The following MICU2 variants were observed in gnomAD, a reference collection of about 807,000 sequenced individuals.
The protein encoded by MICU2 is mitochondrial calcium uptake 2.
In MICU2, 64 loss-of-function variants were observed where a neutral mutation model predicts 60.4. The observed-to-expected ratio is 1.06, with a 90% CI of 0.87 to 1.31. MICU2 has a LOEUF of 1.31. Among genes scored for constraint, MICU2 ranks in the 50% most tolerant of loss-of-function variants. The pLI is 0.00. For missense variants in MICU2, 569 were observed against 531.0 expected, an observed-to-expected ratio of 1.07 and a Z score of -0.70; for synonymous variants, 201 against 175.0, an observed-to-expected ratio of 1.15 and a Z score of -1.17.
At chr13:21,586,744 T>G (rs1000778342) in intron 1 of MICU2, among the ~76,000 whole-genome samples, 4 of 152,184 alleles carry the variant, frequency 2.6e-5, no homozygotes, top group Non-Finnish European at 5.9e-5. Context: ...TCCTTATAGC[T>G]TAAGCTTATG....
At chr13:21,519,709 C>T (rs1187541188) in intron 6 of MICU2, among the ~76,000 whole-genome samples, 1 of 152,124 alleles carries the variant, frequency 6.6e-6, no homozygotes, top group Non-Finnish European at 1.5e-5. Flanking sequence ...TAGGGATGGC[C>T]ATTCAGTTGC....
At chr13:21,493,847 C>T (rs746838719) in intron 11 of MICU2, among the ~76,000 whole-genome samples, 2 of 150,996 alleles carry the variant, frequency 1.3e-5, no homozygotes, top group Admixed American at 6.6e-5. Flanking sequence ...AATTCATGGA[C>T]GTGTTTTGTT....
intron 2 of MICU2, among the ~76,000 whole-genome samples, chr13:21,546,260 C>G (rs772575505): frequency 1.4e-4 from 20 of 145,082 alleles, no homozygotes; most frequent in Non-Finnish European, 2.7e-4. Context: ...AAAGTATGGT[C>G]TTCAAATACA....
At chr13:21,546,062 G>C (rs748322023) in intron 2 of MICU2, among the ~76,000 whole-genome samples, 2 of 152,094 alleles carry the variant, frequency 1.3e-5, no homozygotes. Context: ...CATTTTAAGT[G>C]GTAACTGAAG....
At chr13:21,598,299 G>A (rs1412881266) in intron 1 of MICU2, among the ~76,000 whole-genome samples, 1 of 152,094 alleles carries the variant, frequency 6.6e-6, no homozygotes, top group Non-Finnish European at 1.5e-5. Flanking sequence ...ATTAACGAGT[G>A]AACAATAACA....
At chr13:21,532,481 A>G (rs1887025510) in intron 4 of MICU2, among the ~76,000 whole-genome samples, 1 of 152,216 alleles carries the variant, frequency 6.6e-6, no homozygotes, top group South Asian at 2.1e-4. Context: ...CTCACGAGAT[A>G]GAGAATTTCT....
chr13:21,512,019 T>C (rs1886441672), intron 7 of MICU2, among the ~76,000 whole-genome samples: 1 of 152,182 alleles, frequency 6.6e-6, no homozygotes, highest in Non-Finnish European at 1.5e-5. Flanking sequence ...GTGTACAGGT[T>C]TTGTACGAAC....
intron 2 of MICU2, among the ~76,000 whole-genome samples, chr13:21,554,380 A>T (rs1410891035): frequency 6.6e-6 from 1 of 152,186 alleles, no homozygotes; most frequent in East Asian, 1.9e-4. Flanking sequence ...TAAGAAACTC[A>T]CTCAAAACTG....
chr13:21,499,245 C>T (rs1051381843), intron 9 of MICU2, among the ~76,000 whole-genome samples: 19 of 151,990 alleles, frequency 1.3e-4, no homozygotes, highest in African/African-American at 3.6e-4. Flanking sequence ...GCCATAGGCC[C>T]GGCCTGAATT....
intron 1 of MICU2, among the ~76,000 whole-genome samples, chr13:21,603,005 G>A (rs1888861160): frequency 6.9e-6 from 1 of 144,396 alleles, no homozygotes; most frequent in Non-Finnish European, 1.5e-5. Context: ...TTTCGCTCTT[G>A]TAGCTCAGGC....
At chr13:21,581,347 G>A (rs1168771623) in intron 1 of MICU2, among the ~76,000 whole-genome samples, 2 of 152,048 alleles carry the variant, frequency 1.3e-5, no homozygotes, top group African/African-American at 4.8e-5. Context: ...CAAACTCCTG[G>A]CCTCAAGTGA....
At chr13:21,542,988 CTAGT>C (rs1435094378) in intron 2 of MICU2, among the ~76,000 whole-genome samples, 2 of 152,186 alleles carry the variant, frequency 1.3e-5, no homozygotes, top group African/African-American at 2.4e-5. Context: ...GTAGAGGTTA[CTAGT>C]CTAATACATA....
At position 21,578,147 on chromosome 13, in the gene MICU2, T is replaced by C. The variant is rs1241487828; in HGVS notation, c.211-11203A>G. On this transcript the variant is annotated intron_variant, in intron 1 of 11. Coordinates refer to ENST00000382374, the MANE Select transcript of MICU2 (RefSeq NM_152726.3). ...AAGCCGTAGTAACCCTGCACTGGAATTGCCTGTTTACTACATTGAAGTCCT... is the reference window on the plus strand; with the variant it reads ...AAGCCGTAGTAACCCTGCACTGGAACTGCCTGTTTACTACATTGAAGTCCT... Among the ~76,000 whole-genome samples, 5 of 152,370 alleles carry C rather than the reference T, an allele frequency of 3.3e-5. No homozygotes were observed. In the East Asian group the frequency reaches 5.8e-4, roughly 18 times the overall value.
chr13:21,598,463 C>A (rs557178368), intron 1 of MICU2, among the ~76,000 whole-genome samples: 5 of 152,246 alleles, frequency 3.3e-5, no homozygotes, highest in South Asian at 2.1e-4. Context: ...CACCTGTAAT[C>A]CCAGAACTTT....
chr13:21,534,417 G>C (rs1047740222), intron 4 of MICU2, among the ~76,000 whole-genome samples: 4 of 151,966 alleles, frequency 2.6e-5, no homozygotes, highest in African/African-American at 9.7e-5. Flanking sequence ...ATGTTGCCTA[G>C]GTTGGTCTTG....
Position 21,569,432 on chromosome 13 carries a change from G to A in MICU2, c.211-2488C>T, listed in dbSNP as rs1442846500. Among the ~76,000 whole-genome samples the A allele has an allele frequency of 3.3e-5, 5 of 152,092 alleles. No individual in the cohort carries two copies. In the South Asian group the frequency reaches 8.3e-4, roughly 25 times the overall value. On this transcript the variant is annotated intron_variant, in intron 1 of 11. Transcript: ENST00000382374. ...TTATAGAGTACAAAACTATCATCTGGAGGTCATCACCACGGCAGATTGTAA... is the reference window on the plus strand; with the variant it reads ...TTATAGAGTACAAAACTATCATCTGAAGGTCATCACCACGGCAGATTGTAA...
At chr13:21,602,106 ACAAC>A (rs755895752) in intron 1 of MICU2, among the ~76,000 whole-genome samples, 1 of 138,056 alleles carries the variant, frequency 7.2e-6, no homozygotes, top group African/African-American at 2.6e-5. Flanking sequence ...CTCCATCTCA[ACAAC>A]AAAAAAAAAG....
intron 1 of MICU2, among the ~76,000 whole-genome samples, chr13:21,587,257 G>A (rs926717730): frequency 6.6e-6 from 1 of 152,074 alleles, no homozygotes; most frequent in Non-Finnish European, 1.5e-5. Flanking sequence ...GAATAAATGA[G>A]TAAACAGTGG....
intron 4 of MICU2, among the ~76,000 whole-genome samples, chr13:21,531,689 T>C (rs1887004672): frequency 6.6e-6 from 1 of 152,212 alleles, no homozygotes; most frequent in Admixed American, 6.5e-5. Flanking sequence ...GGATATGAGG[T>C]AGCTGAAGTT....
Sources: gnomAD v4.1 joint callset for allele counts (sites outside exome capture counted in the v4.1 genomes callset) on GRCh38, gnomAD v4.1.1 for gene constraint, MANE v1.5 for transcripts, NCBI Gene and HGNC (gene_info 2026-07-23, HGNC 2026-07-21) for gene names.